RASAL3: variants seen among roughly 807,000 people sequenced by gnomAD.
RASAL3 encodes RAS protein activator like-3.
A neutral mutation model predicts 105.5 loss-of-function variants in RASAL3; 74 were observed. That is an observed-to-expected ratio of 0.70 (90% CI 0.58 to 0.85). The LOEUF (loss-of-function observed/expected upper bound fraction) is 0.85. RASAL3 is among the 40% of genes least tolerant of loss of function. The pLI, the probability that RASAL3 is intolerant of heterozygous loss-of-function variation, is 0.00. For missense variants in RASAL3, 1,352 were observed against 1,392.0 expected, an observed-to-expected ratio of 0.97 and a Z score of 0.46; for synonymous variants, 579 against 591.6, an observed-to-expected ratio of 0.98 and a Z score of 0.31.
At position 15,454,382 on chromosome 19, in the gene RASAL3, T is replaced by C. The variant is rs775238950; in HGVS notation, c.2139A>G (p.Thr713=). The change falls in exon 13 of 18, where the codon ACA becomes ACG. Residue 713 remains threonine, a synonymous_variant. Transcript: ENST00000343625. ...ATACCTGGTCAAGCTCAGCAAAAATTGTACAGAGCTGGGCATGCAGGACAG... is the reference window on the plus strand; with the variant it reads ...ATACCTGGTCAAGCTCAGCAAAAATCGTACAGAGCTGGGCATGCAGGACAG... ...QLAVLHAQLC[T]IFAELDQTTR... The C allele has an allele frequency of 7.4e-6, 12 of 1,612,752 alleles. No homozygotes were observed. The highest frequency in any genetic ancestry group is 9.3e-6 in the Non-Finnish European group (11 of 1,179,386).
At position 15,456,684 on chromosome 19, in the gene RASAL3, A is replaced by G. The variant is rs1216967268; in HGVS notation, c.1432-38T>C. 1 of 1,599,982 alleles carries G rather than the reference A, an allele frequency of 6.3e-7. No homozygotes were observed. The highest frequency in any genetic ancestry group is 1.7e-5 in the Admixed American group (1 of 58,486). Reference sequence around the variant, plus strand: ...GGAGGTCAGGTTGCACCAGATGCAGACAGAGTCCAAGGGAATTCGGATCCT... The same window carrying G: ...GGAGGTCAGGTTGCACCAGATGCAGGCAGAGTCCAAGGGAATTCGGATCCT... On this transcript the variant is annotated intron_variant, in intron 9 of 17. Transcript: ENST00000343625. This position sits in a 1 kb window ranked among gnomAD's most constrained non-coding sequence, Gnocchi z 4.4.
In RASAL3 at chr19:15,457,390, G is replaced by A. The variant is rs1477377233; in HGVS notation, c.1333C>T (p.Arg445Cys). ...GCGGGCTCCAGGGCCCCGCAGAGGC[G>A]CGCATAGTGGAAGGTGAGGAACTCC... ...LAEFLTFHYA[R>C]LCGALEPALP... The change falls in exon 9 of 18, where the codon CGC becomes TGC. Residue 445 changes from arginine to cysteine, a missense_variant. Arg to Cys is a radical substitution (Grantham distance 180). Around this residue, in one of 3 missense-constraint regions of RASAL3, gnomAD observed 920 missense variants for 919.6 expected, o/e 1.00. Transcript: ENST00000343625. This position sits in a 1 kb window ranked among gnomAD's most constrained non-coding sequence, Gnocchi z 8.6. 7 of 1,449,744 alleles carry A rather than the reference G, an allele frequency of 4.8e-6. No homozygotes were observed. Among genetic ancestry groups the A allele is most frequent in the Admixed American group, 5.2e-5 (2 of 38,364 alleles). 89.8% of individuals were successfully genotyped at this position (1,449,744 alleles called of 1,614,324 possible).
intron 16 of RASAL3, 74 bp downstream of exon 16, chr19:15,452,584 G>GGGC: frequency 8.3e-7 from 1 of 1,211,128 alleles, no homozygotes; most frequent in Non-Finnish European, 1.1e-6. Flanking sequence ...TTGGGGGGGG[G>GGGC]GGGGAGGGCC....
rs1031624774 is a variant in RASAL3 at position 15,451,811 on chromosome 19, T to A, written c.3020A>T (p.Asn1007Ile). The change falls in exon 18 of 18, where the codon AAT (asparagine) becomes ATT (isoleucine). Residue 1007 changes from asparagine (N) to isoleucine (I), a missense_variant. Asn to Ile is a moderately radical substitution (Grantham distance 149). Coordinates refer to ENST00000343625, the MANE Select transcript of RASAL3 (RefSeq NM_022904.3). The stretch of plus-strand genomic sequence containing the variant: ...ATGGGCAGCTCAGGTGGTGTCTCCA[T>A]TGAGGCAGGGTGCTTTGAGGGGCTG... ...QPQPLKAPCL[N>I]GDTT The A allele has an allele frequency of 1.9e-6, 3 of 1,598,776 alleles. No individual in the cohort carries two copies. The African/African-American group carries it at 4.0e-5, about 21-fold the overall frequency.
chr19:15,458,042 G>A (rs1970383950), intron 8 of RASAL3: 3 of 648,058 alleles, frequency 4.6e-6, no homozygotes, highest in Admixed American at 2.9e-5. Flanking sequence ...GGAGAGTTGG[G>A]GGCTCCAGGG....
In RASAL3 at chr19:15,453,134, T is replaced by A; in HGVS notation, c.2643A>T (p.Ala881=). 6.2e-7 allele frequency: 1 copy of A among 1,613,702 alleles called. No homozygotes were observed. The highest frequency in any genetic ancestry group is 8.5e-7 in the Non-Finnish European group (1 of 1,179,718). ...TGTTCACAGGTCGGTGCGTGCCCAG[T>A]GCCTGGTTTCGGTCTTGCGGCTGGT... The part of the protein sequence containing the change: ...QMDQPQDRNQ[A]LGTHRPVNKL... Residue 881 remains alanine, a synonymous_variant, in exon 15 of 18, where the codon GCA becomes GCT. Coordinates refer to ENST00000343625, the MANE Select transcript of RASAL3 (RefSeq NM_022904.3). The surrounding 1 kb of genome is among the most constrained non-coding windows in gnomAD (Gnocchi z 4.2).
Position 15,453,108 on chromosome 19 carries a change from T to G in RASAL3, c.2669A>C (p.Lys890Thr). 6.2e-7 allele frequency: 1 copy of G among 1,613,544 alleles called. No individual in the cohort carries two copies. The highest frequency in any genetic ancestry group is 8.5e-7 in the Non-Finnish European group (1 of 1,179,682). ...QALGTHRPVN[K>T]LAELQCEVAA... is the part of the protein sequence containing the mutation. ...GCGCGGACCTGGGCCTGACCTTACC[T>G]TGTTCACAGGTCGGTGCGTGCCCAG... Residue 890 changes from lysine (K) to threonine (T), a missense_variant and splice_region_variant, in exon 15 of 18, where the codon AAG becomes ACG. Around this residue, in one of 3 missense-constraint regions of RASAL3, gnomAD observed 920 missense variants for 919.6 expected, o/e 1.00. Coordinates refer to ENST00000343625, the MANE Select transcript of RASAL3 (RefSeq NM_022904.3). The surrounding 1 kb of genome is among the most constrained non-coding windows in gnomAD (Gnocchi z 4.2).
chr19:15,463,858 C>G (rs908022985), intron 2 of RASAL3, among the ~76,000 whole-genome samples, 173 bp downstream of exon 2: 1 of 152,190 alleles, frequency 6.6e-6, no homozygotes, highest in Non-Finnish European at 1.5e-5. Context: ...ACTCCTCCTA[C>G]CCTCTTTAGG....
intron 14 of RASAL3, 117 bp downstream of exon 14, chr19:15,454,032 C>T (rs921957964): frequency 4.0e-5 from 29 of 733,560 alleles, no homozygotes; most frequent in African/African-American, 3.6e-4. Flanking sequence ...CTGTGATTCC[C>T]GTCTGACCCT....
At position 15,456,409 on chromosome 19, in the gene RASAL3, A is replaced by T. The variant is rs1970320870; in HGVS notation, c.1576+93T>A. On this transcript the variant is annotated intron_variant, in intron 10 of 17. Transcript: ENST00000343625. This position sits in a 1 kb window ranked among gnomAD's most constrained non-coding sequence, Gnocchi z 4.4. ...TAGCACCCCCAAAACACCACTCACT[A>T]CCAGAATCCAGGTTGCTCAAGGACT... 8 of 1,549,224 alleles carry T rather than the reference A, an allele frequency of 5.2e-6. No homozygotes were observed. The East Asian group carries it at 1.6e-4, about 31-fold the overall frequency.
chr19:15,451,689 C>T lies in RASAL3; in HGVS notation c.*106G>A. 1 of 1,247,768 alleles carries T rather than the reference C, an allele frequency of 8.0e-7. No homozygotes were observed. The highest frequency in any genetic ancestry group is 1.1e-6 in the Non-Finnish European group (1 of 901,562). The allele number at this position is 1,247,768 out of a possible 1,614,324, so 77.3% of individuals were successfully genotyped here. On this transcript the variant is annotated 3_prime_UTR_variant, in exon 18 of 18. Coordinates refer to ENST00000343625, the MANE Select transcript of RASAL3 (RefSeq NM_022904.3). The stretch of plus-strand genomic sequence containing the variant: ...CCAGAGTGGTTGGGACCAGCAGCTC[C>T]ACTCCCCACTGTAGGCCAAGTAGGG...
chr19:15,464,160 A>T lies in RASAL3; in HGVS notation c.199T>A (p.Phe67Ile). Residue 67 changes from phenylalanine (F) to isoleucine (I), a missense_variant, in exon 2 of 18, where the codon TTC (phenylalanine) becomes ATC (isoleucine). Phe to Ile is a conservative substitution (Grantham distance 21). This residue lies in a region of RASAL3 where 344 missense variants were observed against 339.6 expected (regional missense o/e 1.01). Transcript: ENST00000343625. ...GGAGGCGCAGATAGGACCCGACGGA[A>T]TATCGAGCGAGGGGCTGGCTGGGTG... The part of the protein sequence containing the change: ...VSTQPAPRSI[F>I]RRVLSAPPKE... 6.2e-7 allele frequency: 1 copy of T among 1,613,358 alleles called. No homozygotes were observed. The highest frequency in any genetic ancestry group is 1.3e-5 in the African/African-American group (1 of 74,944).
In RASAL3 at chr19:15,457,931, C is replaced by T; in HGVS notation, c.889-97G>A. 2 of 1,403,742 alleles carry T rather than the reference C, an allele frequency of 1.4e-6. No individual in the cohort carries two copies. The highest frequency in any genetic ancestry group is 1.3e-5 in the South Asian group (1 of 76,916). The allele number at this position is 1,403,742 out of a possible 1,614,324, so 87.0% of individuals were successfully genotyped here. A position where few individuals can be genotyped will look rare whatever the true frequency, so the allele number is the denominator to read the frequency against. On this transcript the variant is annotated intron_variant, in intron 8 of 17. Transcript: ENST00000343625. This position sits in a 1 kb window ranked among gnomAD's most constrained non-coding sequence, Gnocchi z 8.6. ...GCGTGGAGCCTCAAACCTGTTGCGT[C>T]GGGTCCCTAGGGAGATTGCTGGGCC...
chr19:15,459,277 G>A (rs908223034), intron 6 of RASAL3, among the ~76,000 whole-genome samples: 3 of 85,614 alleles, frequency 3.5e-5, no homozygotes, highest in African/African-American at 1.8e-4. Context: ...ATGGAGTCTT[G>A]CCCTTTTGCC....
At position 15,456,361 on chromosome 19, in the gene RASAL3, G is replaced by A. The variant is rs1178337958; in HGVS notation, c.1577-113C>T. 8 of 1,521,422 alleles carry A rather than the reference G, an allele frequency of 5.3e-6. No homozygotes were observed. The highest frequency in any genetic ancestry group is 1.4e-5 in the African/African-American group (1 of 72,674). 94.2% of individuals were successfully genotyped at this position (1,521,422 alleles called of 1,614,324 possible). On this transcript the variant is annotated intron_variant, in intron 10 of 17. Coordinates refer to ENST00000343625, the MANE Select transcript of RASAL3 (RefSeq NM_022904.3). The surrounding 1 kb of genome is among the most constrained non-coding windows in gnomAD (Gnocchi z 4.4). The stretch of plus-strand genomic sequence containing the variant: ...CCGGAGGCACCCAACATCTTGGGGA[G>A]CTCCCAATTGTCCCCAGGATCCTAG...
At chr19:15,459,219 G>A (rs1970431553) in intron 6 of RASAL3, among the ~76,000 whole-genome samples, 1 of 117,052 alleles carries the variant, frequency 8.5e-6, no homozygotes, top group Non-Finnish European at 1.8e-5. Context: ...GATTACAGGT[G>A]TGAGCCACCG....
chr19:15,458,555 G>A lies in RASAL3; in HGVS notation c.763C>T (p.Leu255Phe). Reference protein sequence around the residue: ...DVRIWPLHPSLLGEPHCFQVT... With the variant: ...DVRIWPLHPSFLGEPHCFQVT... ...TGAAAGCAGTGGGGCTCCCCCAGGA[G>A]GCTGGGGTGCAGTGGCCAGATCCGC... The change falls in exon 7 of 18, where the codon CTC becomes TTC. Residue 255 changes from leucine to phenylalanine, a missense_variant. Physicochemically the swap from Leu to Phe is conservative, Grantham distance 22 (BLOSUM62 0). This residue lies in a region of RASAL3 where 344 missense variants were observed against 339.6 expected (regional missense o/e 1.01). Coordinates refer to ENST00000343625, the MANE Select transcript of RASAL3 (RefSeq NM_022904.3). The A allele has an allele frequency of 1.9e-6, 3 of 1,613,856 alleles. No homozygotes were observed. The highest frequency in any genetic ancestry group is 2.5e-6 in the Non-Finnish European group (3 of 1,179,830).
At position 15,454,558 on chromosome 19, in the gene RASAL3, C is replaced by T. The variant is rs199734851; in HGVS notation, c.1963G>A (p.Gly655Ser). 36 of 1,612,762 alleles carry T rather than the reference C, an allele frequency of 2.2e-5. No individual in the cohort carries two copies. The highest frequency in any genetic ancestry group is 1.5e-4 in the Admixed American group (9 of 59,906). ...IQNLANRAPF[G>S]EKEAYMGFMN... ...AAGCCCATGTAGGCCTCCTTCTCAC[C>T]GAACCTGGATCAGGGCCAGGCTGGG... Residue 655 changes from glycine (G) to serine (S), a missense_variant, in exon 13 of 18, where the codon GGT becomes AGT. Transcript: ENST00000343625.
In RASAL3 at chr19:15,457,308, G is replaced by T. The variant is rs1172404085; in HGVS notation, c.1415C>A (p.Ala472Asp). ...GTGCCGCACCTGCGCCCGGCCGGTG[G>T]CCCGCAGCACGCGCACCATGGCTGC... ...LAAAMVRVLRATGRAQALVTD... is the reference protein window; with the variant it reads ...LAAAMVRVLRDTGRAQALVTD... The change falls in exon 9 of 18, where the codon GCC (alanine) becomes GAC (aspartate). Residue 472 changes from alanine to aspartate, a missense_variant. Around this residue, in one of 3 missense-constraint regions of RASAL3, gnomAD observed 920 missense variants for 919.6 expected, o/e 1.00. Coordinates refer to ENST00000343625, the MANE Select transcript of RASAL3 (RefSeq NM_022904.3). This position sits in a 1 kb window ranked among gnomAD's most constrained non-coding sequence, Gnocchi z 8.6. 6.1e-6 allele frequency: 8 copies of T among 1,308,988 alleles called. No individual in the cohort carries two copies. The highest frequency in any genetic ancestry group is 8.3e-5 in the Admixed American group (2 of 24,014). The allele number at this position is 1,308,988 out of a possible 1,614,324, so 81.1% of individuals were successfully genotyped here. A position where few individuals can be genotyped will look rare whatever the true frequency, so the allele number is the denominator to read the frequency against.
Sources: gnomAD v4.1 joint callset for allele counts (sites outside exome capture counted in the v4.1 genomes callset) on GRCh38, gnomAD v4.1.1 for gene constraint, gnomAD v4.1.1 regional missense constraint, Gnocchi (gnomAD v3.1) non-coding constraint, MANE v1.5 for transcripts, NCBI Gene and HGNC (gene_info 2026-07-23, HGNC 2026-07-21) for gene names.